XKR6: variants seen among roughly 807,000 people sequenced by gnomAD.
XKR6 encodes the protein XK related 6.
In XKR6, 22 loss-of-function variants were observed where a neutral mutation model predicts 56.7. The observed-to-expected ratio is 0.39, with a 90% confidence interval of 0.28 to 0.55. The LOEUF (loss-of-function observed/expected upper bound fraction) is 0.55. Ranked by LOEUF, XKR6 falls within the 20% of genes least tolerant of loss-of-function variation. The pLI is 0.66. For missense variants in XKR6, 852 were observed against 889.0 expected (o/e 0.96, Z 0.53); for synonymous variants, 524 against 387.8 (o/e 1.35, Z -4.13).
chr8:10,930,624 G>A (rs1338081477), intron 1 of XKR6, among the ~76,000 whole-genome samples: 1 of 152,164 alleles, frequency 6.6e-6, no homozygotes, highest in Non-Finnish European at 1.5e-5. Flanking sequence ...TTTATCCTGG[G>A]AATGAAAGGC....
intron 1 of XKR6, among the ~76,000 whole-genome samples, chr8:11,026,635 C>T (rs1180134433): frequency 6.6e-6 from 1 of 151,270 alleles, no homozygotes; most frequent in African/African-American, 2.4e-5. Context: ...GCCTACTACA[C>T]ACCTAGATGG....
At chr8:10,920,747 T>G (rs1800686025) in intron 2 of XKR6, among the ~76,000 whole-genome samples, 1 of 152,234 alleles carries the variant, frequency 6.6e-6, no homozygotes. Context: ...TGATGGCTAG[T>G]GTCCTTCCTT....
chr8:11,114,773 G>GTGTGTGTGTGTGTA (rs34746866), intron 1 of XKR6, among the ~76,000 whole-genome samples: 54 of 146,614 alleles, frequency 3.7e-4, no homozygotes, highest in Middle Eastern at 3.5e-3. Context: ...GTGTGTGTGT[G>GTGTGTGTGTGTGTA]TATGTGCCAG....
chr8:11,001,386 G>C (rs1284060578), intron 1 of XKR6, among the ~76,000 whole-genome samples: 1 of 152,174 alleles, frequency 6.6e-6, no homozygotes, highest in Non-Finnish European at 1.5e-5. Flanking sequence ...ATAATGCACT[G>C]CTCTGAGGCA....
At chr8:11,144,263 G>C (rs1481690240) in intron 1 of XKR6, among the ~76,000 whole-genome samples, 1 of 103,584 alleles carries the variant, frequency 9.7e-6, no homozygotes, top group Non-Finnish European at 1.9e-5. Flanking sequence ...TGTATCTAAA[G>C]TAGGCTTCAC....
chr8:10,912,306 GTATATATATA>G (rs535084135), intron 2 of XKR6, among the ~76,000 whole-genome samples: 18,554 of 55,228 alleles, frequency 0.34, 3,098 homozygotes, highest in Middle Eastern at 0.44. Flanking sequence ...AAGAGAGGGT[GTATATATATA>G]TATATATATA....
chr8:10,911,241 G>T (rs113548623), intron 2 of XKR6, among the ~76,000 whole-genome samples: 27,536 of 110,264 alleles, frequency 0.25, 2,899 homozygotes, highest in African/African-American at 0.29. Context: ...TGTGTGTATA[G>T]AGAGAGAGAG....
In XKR6 at chr8:11,200,354, C is replaced by G. The variant is rs896021108; in HGVS notation, c.764+222G>C. Reference sequence around the variant, plus strand: ...AGCCCCGCCGAGTGCGAAGCGGGGACGAGGACGGGCCAACGGCAGGTCTCG... The same window carrying G: ...AGCCCCGCCGAGTGCGAAGCGGGGAGGAGGACGGGCCAACGGCAGGTCTCG... On this transcript the variant is annotated intron_variant, in intron 1 of 2. Coordinates refer to ENST00000416569, the MANE Select transcript of XKR6 (RefSeq NM_173683.4). The surrounding 1 kb of genome is among the most constrained non-coding windows in gnomAD (Gnocchi z 6.4). Among the ~76,000 whole-genome samples, 13 of 152,202 alleles carry G rather than the reference C, an allele frequency of 8.5e-5. No individual in the cohort carries two copies. Among genetic ancestry groups the G allele is most frequent in the Non-Finnish European group, 1.9e-4 (13 of 68,024 alleles).
intron 1 of XKR6, chr8:11,106,156 T>C (rs981732594): frequency 6.6e-6 from 1 of 152,242 alleles, no homozygotes; most frequent in African/African-American, 2.4e-5. Flanking sequence ...TGTTAGTTTT[T>C]ATTTTTTTAA....
rs1799941809 is a variant in XKR6 at position 10,898,241 on chromosome 8, G to T, written c.1637C>A (p.Ala546Asp). The T allele has an allele frequency of 1.9e-6, 3 of 1,614,030 alleles. No homozygotes were observed. The highest frequency in any genetic ancestry group is 2.2e-5 in the East Asian group (1 of 44,874). Residue 546 changes from alanine to aspartate, a missense_variant, in exon 3 of 3, where the codon GCC becomes GAC. By Grantham distance (126) the Ala-to-Asp change is moderately radical (BLOSUM62 -2). Coordinates refer to ENST00000416569, the MANE Select transcript of XKR6 (RefSeq NM_173683.4). This position sits in a 1 kb window ranked among gnomAD's most constrained non-coding sequence, Gnocchi z 6.6. ...YRGTQVTPTR[A>D]VTEQQEDLTA... ...GAGATCCTCCTGTTGTTCCGTTACGGCTCTGGTGGGCGTAACCTGGGTCCC... is the reference window on the plus strand; with the variant it reads ...GAGATCCTCCTGTTGTTCCGTTACGTCTCTGGTGGGCGTAACCTGGGTCCC...
intron 1 of XKR6, among the ~76,000 whole-genome samples, chr8:11,125,290 C>G (rs1254773373): frequency 6.6e-6 from 1 of 152,014 alleles, no homozygotes; most frequent in African/African-American, 2.4e-5. Context: ...CAGGCAAATG[C>G]AGACCATCTC....
chr8:10,900,977 C>CATG (rs1800020595), intron 2 of XKR6, among the ~76,000 whole-genome samples: 1 of 150,962 alleles, frequency 6.6e-6, no homozygotes, highest in South Asian at 2.1e-4. Context: ...GTCTCCCATA[C>CATG]ATGGGACCGC....
intron 1 of XKR6, among the ~76,000 whole-genome samples, chr8:11,139,883 C>T (rs951527757): frequency 1.2e-4 from 18 of 152,184 alleles, no homozygotes; most frequent in African/African-American, 4.3e-4. Flanking sequence ...TCCCCACAGA[C>T]AAGGAAAGCA....
intron 1 of XKR6, among the ~76,000 whole-genome samples, chr8:11,089,332 C>A (rs1404751163): frequency 1.3e-5 from 2 of 152,178 alleles, no homozygotes; most frequent in Admixed American, 1.3e-4. Flanking sequence ...GGGTTGAGTG[C>A]TTTTTAAAAA....
intron 1 of XKR6, chr8:11,109,565 C>G (rs1046320010): frequency 6.6e-6 from 1 of 152,254 alleles, no homozygotes; most frequent in African/African-American, 2.4e-5. Context: ...TCATCCTCCC[C>G]AGGAAAGGCA....
intron 2 of XKR6, among the ~76,000 whole-genome samples, chr8:10,906,485 G>T (rs1417569543): frequency 1.3e-5 from 2 of 152,208 alleles, no homozygotes; most frequent in African/African-American, 4.8e-5. Flanking sequence ...AACAAAAAAA[G>T]CAATCTTCTT....
intron 1 of XKR6, among the ~76,000 whole-genome samples, chr8:11,157,648 T>C (rs1334890065): frequency 6.6e-6 from 1 of 152,058 alleles, no homozygotes; most frequent in Non-Finnish European, 1.5e-5. Flanking sequence ...CTCTATTAGC[T>C]AGGGCTATAG....
intron 1 of XKR6, among the ~76,000 whole-genome samples, chr8:11,120,271 G>C (rs1448863520): frequency 6.6e-6 from 1 of 152,140 alleles, no homozygotes; most frequent in African/African-American, 2.4e-5. Flanking sequence ...TGACATGATT[G>C]TATATTTAGA....
chr8:11,122,959 G>A (rs974250635), intron 1 of XKR6, among the ~76,000 whole-genome samples: 8 of 150,760 alleles, frequency 5.3e-5, no homozygotes, highest in East Asian at 2.0e-4. Context: ...TGCCTCTGCC[G>A]GGTGCAGTGG....
Sources: gnomAD v4.1 joint callset for allele counts (sites outside exome capture counted in the v4.1 genomes callset) on GRCh38, gnomAD v4.1.1 for gene constraint, Gnocchi (gnomAD v3.1) non-coding constraint, MANE v1.5 for transcripts, NCBI Gene and HGNC (gene_info 2026-07-23, HGNC 2026-07-21) for gene names.